DGKE: variants seen among roughly 807,000 people sequenced by gnomAD.
DGKE encodes diacylglycerol kinase epsilon, also known as DAG kinase epsilon.
DGKE carries 53 observed loss-of-function variants against 70.0 expected under a neutral mutation model. The observed-to-expected ratio is 0.76, with a 90% CI of 0.61 to 0.95. The LOEUF (loss-of-function observed/expected upper bound fraction) is 0.95. Among genes scored for constraint, DGKE ranks in the 40% least tolerant of loss-of-function variants. The probability of loss-of-function intolerance (pLI) is 0.00; values close to 1 mark genes in which losing one functional copy is unlikely to be tolerated. For missense variants in DGKE, 655 were observed against 706.9 expected (o/e 0.93, Z 0.83); for synonymous variants, 291 against 257.0 (o/e 1.13, Z -1.27).
In DGKE at chr17:56,856,626, G is replaced by C. The variant is rs1278631159; in HGVS notation, c.1212+1G>C. ...GTTTTCTAGCAGAATTCTTAATAAG[G>C]TGTGTTGGATAAAATAACATTTCCT... On this transcript the variant is annotated splice_donor_variant, in intron 8 of 11. Coordinates refer to ENST00000284061, the MANE Select transcript of DGKE (RefSeq NM_003647.3). LOFTEE classifies it high-confidence loss of function. 1 of 1,611,394 alleles carries C rather than the reference G, an allele frequency of 6.2e-7. No homozygotes were observed.
chr17:56,862,379 A>G (rs958490830), intron 11 of DGKE, 128 bp downstream of exon 11: 8 of 931,756 alleles, frequency 8.6e-6, no homozygotes, highest in East Asian at 2.6e-5. Flanking sequence ...GTCACTGTAC[A>G]CTAGCGGCTA....
At chr17:56,851,761 T>C (rs1293961736) in intron 7 of DGKE, among the ~76,000 whole-genome samples, 1 of 152,222 alleles carries the variant, frequency 6.6e-6, no homozygotes, top group Non-Finnish European at 1.5e-5. Context: ...GTGGGACTAA[T>C]GTTCTCAGAG....
chr17:56,869,009 C>G lies in DGKE; in HGVS notation c.*6218C>G, dbSNP rs536286278. 6.6e-6 allele frequency: 1 copy of G among 152,242 alleles called. No homozygotes were observed. The highest frequency in any genetic ancestry group is 2.4e-5 in the African/African-American group (1 of 41,538). The allele number at this position is 152,242 out of a possible 1,614,324, so 9.4% of individuals were successfully genotyped here. ...AAAATGTATCACTTATTTGAAATAC[C>G]TGAATGGAAACCCAGCCTCTACTAC... On this transcript the variant is annotated 3_prime_UTR_variant, in exon 12 of 12. Coordinates refer to ENST00000284061, the MANE Select transcript of DGKE (RefSeq NM_003647.3).
At chr17:56,855,512 AAG>A (rs1440637972) in intron 7 of DGKE, among the ~76,000 whole-genome samples, 1 of 152,230 alleles carries the variant, frequency 6.6e-6, no homozygotes, top group East Asian at 1.9e-4. Context: ...CAGGGACTTG[AAG>A]AGAGGTAAAT....
Position 56,868,883 on chromosome 17 carries a change from G to T in DGKE, c.*6092G>T, listed in dbSNP as rs1219504122. 6.6e-6 allele frequency: 1 copy of T among 152,228 alleles called. No homozygotes were observed. The highest frequency in any genetic ancestry group is 1.5e-5 in the Non-Finnish European group (1 of 68,032). The allele number at this position is 152,228 out of a possible 1,614,324, so 9.4% of individuals were successfully genotyped here. A position where few individuals can be genotyped will look rare whatever the true frequency, so the allele number is the denominator to read the frequency against. ...ACAGAATCATACACGTGTGTTAGGA[G>T]AAACATTCATTCTCACGCATATAAA... On this transcript the variant is annotated 3_prime_UTR_variant, in exon 12 of 12. Transcript: ENST00000284061.
intron 7 of DGKE, among the ~76,000 whole-genome samples, chr17:56,855,137 A>T (rs557727798): frequency 1.3e-5 from 2 of 152,266 alleles, no homozygotes; most frequent in South Asian, 4.1e-4. Context: ...CAGTTAAAAA[A>T]TAAAGGCAAA....
intron 9 of DGKE, among the ~76,000 whole-genome samples, chr17:56,859,162 CAAA>C (rs138393124): frequency 3.5e-5 from 5 of 140,922 alleles, no homozygotes; most frequent in African/African-American, 5.3e-5. Context: ...TGTATAAATA[CAAA>C]AAAAAAAAAA....
rs1265433329 is a variant in DGKE at position 56,866,914 on chromosome 17, C to G, written c.*4123C>G. 6.6e-6 allele frequency: 1 copy of G among 152,150 alleles called. No individual in the cohort carries two copies. Among genetic ancestry groups the G allele is most frequent in the Non-Finnish European group, 1.5e-5 (1 of 68,020 alleles). The allele number at this position is 152,150 out of a possible 1,614,324, so 9.4% of individuals were successfully genotyped here. Reference sequence around the variant, plus strand: ...CTAATTTTTACATATTCAGAAACTTCGTGTTTTTTTGGTGGACAGAATATT... The same window carrying G: ...CTAATTTTTACATATTCAGAAACTTGGTGTTTTTTTGGTGGACAGAATATT... On this transcript the variant is annotated 3_prime_UTR_variant, in exon 12 of 12. Coordinates refer to ENST00000284061, the MANE Select transcript of DGKE (RefSeq NM_003647.3).
At position 56,868,328 on chromosome 17, in the gene DGKE, C is replaced by G. The variant is rs1009106238; in HGVS notation, c.*5537C>G. On this transcript the variant is annotated 3_prime_UTR_variant, in exon 12 of 12. Transcript: ENST00000284061. ...TCAGATCTGAACTGCTTAAACAAAC[C>G]CTACAGATAAATTGGCACTCTGATT... 2 of 152,230 alleles carry G rather than the reference C, an allele frequency of 1.3e-5. No individual in the cohort carries two copies. The highest frequency in any genetic ancestry group is 4.8e-5 in the African/African-American group (2 of 41,464). The allele number at this position is 152,230 out of a possible 1,614,324, so 9.4% of individuals were successfully genotyped here.
chr17:56,863,982 C>T lies in DGKE; in HGVS notation c.*1191C>T, dbSNP rs991717801. On this transcript the variant is annotated 3_prime_UTR_variant, in exon 12 of 12. Coordinates refer to ENST00000284061, the MANE Select transcript of DGKE (RefSeq NM_003647.3). ...TTCTCCTGACAGAAATCTAGATATTCTTATTCTTCACAAATATTCCTCATT... is the reference window on the plus strand; with the variant it reads ...TTCTCCTGACAGAAATCTAGATATTTTTATTCTTCACAAATATTCCTCATT... The T allele has an allele frequency of 6.6e-6, 1 of 152,296 alleles. No homozygotes were observed. Among genetic ancestry groups the T allele is most frequent in the African/African-American group, 2.4e-5 (1 of 41,566 alleles). The allele number at this position is 152,296 out of a possible 1,614,324, so 9.4% of individuals were successfully genotyped here. A position where few individuals can be genotyped will look rare whatever the true frequency, so the allele number is the denominator to read the frequency against.
At chr17:56,834,571 T>C (rs1906438429) in intron 1 of DGKE, among the ~76,000 whole-genome samples, 1 of 151,672 alleles carries the variant, frequency 6.6e-6, no homozygotes, top group Non-Finnish European at 1.5e-5. Context: ...TGGGGCGGGT[T>C]GGGGAGTGGG....
At chr17:56,839,500 G>A (rs1302869809) in intron 2 of DGKE, among the ~76,000 whole-genome samples, 1 of 152,118 alleles carries the variant, frequency 6.6e-6, no homozygotes, top group African/African-American at 2.4e-5. Flanking sequence ...GTAATACTGA[G>A]TAATTAGTAA....
chr17:56,859,459 A>G (rs3785472), intron 9 of DGKE, among the ~76,000 whole-genome samples: 111,073 of 150,214 alleles, frequency 0.74, 41,244 homozygotes, highest in East Asian at 0.88. Context: ...TCACTCTGTC[A>G]TCCAGGCTGG....
At position 56,867,936 on chromosome 17, in the gene DGKE, G is replaced by T. The variant is rs941120722; in HGVS notation, c.*5145G>T. 3 of 151,946 alleles carry T rather than the reference G, an allele frequency of 2.0e-5. No individual in the cohort carries two copies. The highest frequency in any genetic ancestry group is 4.4e-5 in the Non-Finnish European group (3 of 68,164). 9.4% of individuals were successfully genotyped at this position (151,946 alleles called of 1,614,324 possible). ...CAAAAAAAAAAAAAAAGAAAGAAAT[G>T]TGTTGCTGGTATCAGATATCAGACC... On this transcript the variant is annotated 3_prime_UTR_variant, in exon 12 of 12. Transcript: ENST00000284061.
At chr17:56,847,338 C>CTTTT (rs10641776) in intron 4 of DGKE, 97,218 of 142,426 alleles carry the variant, frequency 0.68, 33,877 homozygotes, top group East Asian at 0.9. Context: ...TAAACTATAA[C>CTTTT]TTTTTTTTTT....
At chr17:56,845,121 A>T (rs1907205271) in intron 3 of DGKE, among the ~76,000 whole-genome samples, 1 of 152,184 alleles carries the variant, frequency 6.6e-6, no homozygotes, top group Non-Finnish European at 1.5e-5. Flanking sequence ...TAATGGTTAC[A>T]TCTACAAGGA....
chr17:56,835,066 G>A lies in DGKE; in HGVS notation c.271G>A (p.Gly91Arg), dbSNP rs754934356. The A allele has an allele frequency of 6.2e-7, 1 of 1,613,324 alleles. No homozygotes were observed. The highest frequency in any genetic ancestry group is 8.5e-7 in the Non-Finnish European group (1 of 1,180,040). Residue 91 changes from glycine to arginine, a missense_variant, in exon 2 of 12, where the codon GGG (glycine) becomes AGG (arginine). Transcript: ENST00000284061. ...ILQGAFCDCC[G>R]LRVDEGCLRK... The stretch of plus-strand genomic sequence containing the variant: ...GCAGGGCGCCTTCTGCGACTGCTGC[G>A]GGCTCCGCGTGGACGAGGGCTGCCT...
At chr17:56,860,634 C>T (rs1306158063) in intron 9 of DGKE, among the ~76,000 whole-genome samples, 1 of 152,182 alleles carries the variant, frequency 6.6e-6, no homozygotes, top group African/African-American at 2.4e-5. Flanking sequence ...AATACGTAAC[C>T]TAGGAGCTAC....
rs946844153 is a variant in DGKE, at chr17:56,835,250, G to C, written c.455G>C (p.Cys152Ser). The C allele has an allele frequency of 9.3e-6, 15 of 1,609,280 alleles. No individual in the cohort carries two copies. Among genetic ancestry groups the C allele is most frequent in the Admixed American group, 3.4e-5 (2 of 59,622 alleles). The part of the protein sequence containing the change: ...KQQCGCQPKL[C>S]DYRCIWCQKT... ...CAGTGTGGCTGTCAACCCAAGCTTT[G>C]CGATTACAGGTATGGTCTTCGTGGA... Residue 152 changes from cysteine (C) to serine (S), a missense_variant, in exon 2 of 12, where the codon TGC (cysteine) becomes TCC (serine). Coordinates refer to ENST00000284061, the MANE Select transcript of DGKE (RefSeq NM_003647.3).
Sources: allele counts gnomAD v4.1 joint callset (sites outside exome capture counted in the v4.1 genomes callset), GRCh38; gene constraint gnomAD v4.1.1; transcripts MANE v1.5; gene names NCBI Gene and HGNC (gene_info 2026-07-23, HGNC 2026-07-21).